Variants in SPARCL1 observed in about 807,000 individuals in gnomAD.
SPARCL1 encodes the protein SPARC like 1, also known as SPARC-like protein 1.
A neutral mutation model predicts 67.1 loss-of-function variants in SPARCL1; 52 were observed. The observed-to-expected ratio is 0.78, with a 90% CI of 0.62 to 0.98. The LOEUF (loss-of-function observed/expected upper bound fraction) is 0.98, where lower values mean the gene tolerates loss of function less well. Among genes scored for constraint, SPARCL1 ranks in the 50% least tolerant of loss-of-function variants. SPARCL1 has a pLI of 0.00. For missense variants in SPARCL1, 717 were observed against 782.4 expected (o/e 0.92, Z 1.00); for synonymous variants, 226 against 267.8 (o/e 0.84, Z 1.52).
In SPARCL1 at chr4:87,521,973, G is replaced by A. The variant is rs534762426; in HGVS notation, c.-12+7072C>T. Reference sequence around the variant, plus strand: ...GGTACTTTATAAACAGACTCAGAACGTTCCTGTTCACCTTGTTTTTACATA... The same window carrying A: ...GGTACTTTATAAACAGACTCAGAACATTCCTGTTCACCTTGTTTTTACATA... On this transcript the variant is annotated intron_variant, in intron 1 of 10. Transcript: ENST00000282470. Among the ~76,000 whole-genome samples, 6 of 152,288 alleles carry A rather than the reference G, an allele frequency of 3.9e-5. No homozygotes were observed. The East Asian group carries it at 1.2e-3, about 29-fold the overall frequency.
rs1308216519 is a variant in SPARCL1 at position 87,529,281 on chromosome 4, C to T, written c.-248G>A. ...ACAGACGAGAATTTGGAGGTTGGCA[C>T]CAGAGAGTATTTCAGACTGTCATCG... On this transcript the variant is annotated 5_prime_UTR_variant, in exon 1 of 11. It adds an upstream start codon to the 5' untranslated region. Transcript: ENST00000282470. 2 of 152,174 alleles carry T rather than the reference C, an allele frequency of 1.3e-5. No individual in the cohort carries two copies. Among genetic ancestry groups the T allele is most frequent in the African/African-American group, 2.4e-5 (1 of 41,436 alleles). 9.4% of individuals were successfully genotyped at this position (152,174 alleles called of 1,614,324 possible).
At chr4:87,497,255 A>C in intron 2 of SPARCL1, 2 of 982,344 alleles carry the variant, frequency 2.0e-6, no homozygotes, top group Middle Eastern at 5.2e-4. Context: ...ATGGGTAATG[A>C]ATTTGAAAAA....
intron 7 of SPARCL1, among the ~76,000 whole-genome samples, chr4:87,484,994 A>C (rs563272092): frequency 1.2e-3 from 188 of 152,102 alleles, no homozygotes; most frequent in Non-Finnish European, 2.1e-3. Flanking sequence ...CTAAATATGC[A>C]ATCATGTCAT....
At position 87,494,061 on chromosome 4, in the gene SPARCL1, ACT is replaced by A; in HGVS notation, c.737_738del (p.Glu246ValfsTer2). 6.2e-7 allele frequency: 1 copy of A among 1,613,636 alleles called. No homozygotes were observed. Among genetic ancestry groups the A allele is most frequent in the South Asian group, 1.1e-5 (1 of 91,022 alleles). On this transcript the variant is annotated frameshift_variant, in exon 4 of 11. Transcript: ENST00000282470. LOFTEE classifies it high-confidence loss of function. ...DNTQSDDILE[E>X]SDQPTQVSKM... ...TTGCTTACTTGAGTTGGTTGATCAGACTCTTCCAAAATATCATCAGATTGGGT... is the reference window on the plus strand; with the variant it reads ...TTGCTTACTTGAGTTGGTTGATCAGACTTCCAAAATATCATCAGATTGGGT...
chr4:87,527,224 C>T (rs1032727770), intron 1 of SPARCL1, among the ~76,000 whole-genome samples: 4 of 152,170 alleles, frequency 2.6e-5, no homozygotes, highest in Admixed American at 1.3e-4. Context: ...GCAGAAGATG[C>T]CCTGTGAGCC....
intron 7 of SPARCL1, among the ~76,000 whole-genome samples, chr4:87,489,222 G>A (rs1368741099): frequency 6.6e-6 from 1 of 152,222 alleles, no homozygotes; most frequent in Middle Eastern, 3.2e-3. Context: ...TGGTGGTGTA[G>A]GCACCCGAAG....
intron 1 of SPARCL1, among the ~76,000 whole-genome samples, chr4:87,510,421 A>G (rs939857901): frequency 1.3e-5 from 2 of 152,072 alleles, no homozygotes; most frequent in Non-Finnish European, 2.9e-5. Context: ...CTTTTTACCA[A>G]TTGAATATTG....
intron 7 of SPARCL1, among the ~76,000 whole-genome samples, chr4:87,483,023 A>G (rs1327169827): frequency 6.6e-6 from 1 of 151,998 alleles, no homozygotes; most frequent in East Asian, 1.9e-4. Flanking sequence ...TACAAGTCCA[A>G]TACAAGTTGG....
chr4:87,505,724 G>GT lies in SPARCL1; in HGVS notation c.-11-6140dup, dbSNP rs1553970443. Among the ~76,000 whole-genome samples the GT allele has an allele frequency of 4.2e-3, 586 of 141,090 alleles. 2 individuals are homozygous for GT. Among genetic ancestry groups the GT allele is most frequent in the Non-Finnish European group, 5.8e-3 (376 of 64,816 alleles). The allele number at this position is 141,090 out of a possible 152,430, so 92.6% of individuals were successfully genotyped here. ...TGCAAACTATTATGCTCAGCTAATT[G>GT]TTTTTTTTTTTTTTTGTAGAGATGG... On this transcript the variant is annotated intron_variant, in intron 1 of 10. Transcript: ENST00000282470.
At position 87,478,405 on chromosome 4, in the gene SPARCL1, G is replaced by C. The variant is rs78289907; in HGVS notation, c.1966+1025C>G. On this transcript the variant is annotated intron_variant, in intron 10 of 10. Coordinates refer to ENST00000282470, the MANE Select transcript of SPARCL1 (RefSeq NM_004684.6). ...TGTGTGTGTGTGGTGAGAATTGCGA[G>C]TAGATTTGAATGCTCATTGTTTGAA... Among the ~76,000 whole-genome samples the C allele has an allele frequency of 1.5e-4, 22 of 151,550 alleles. No homozygotes were observed. In the East Asian group the frequency reaches 4.3e-3, roughly 29 times the overall value.
At chr4:87,525,399 G>A (rs1382480362) in intron 1 of SPARCL1, among the ~76,000 whole-genome samples, 1 of 152,146 alleles carries the variant, frequency 6.6e-6, no homozygotes, top group Admixed American at 6.5e-5. Context: ...ACAACTAGAA[G>A]GTATGAGTGC....
rs761332778 is a variant in SPARCL1 at position 87,494,331 on chromosome 4, T to C, written c.469A>G (p.Ile157Val). The change falls in exon 4 of 11, where the codon ATC becomes GTC. Residue 157 changes from isoleucine to valine, a missense_variant. Physicochemically the swap from Ile to Val is conservative, Grantham distance 29. Coordinates refer to ENST00000282470, the MANE Select transcript of SPARCL1 (RefSeq NM_004684.6). Reference sequence around the variant, plus strand: ...TCTTGGTTTTCCTCTCTCTTTGTGATACTTTCTTGTTGGTTAGAATCTGTG... The same window carrying C: ...TCTTGGTTTTCCTCTCTCTTTGTGACACTTTCTTGTTGGTTAGAATCTGTG... ...SFTDSNQQES[I>V]TKREENQEQP... is the part of the protein sequence containing the mutation. The C allele has an allele frequency of 2.5e-6, 4 of 1,614,088 alleles. No homozygotes were observed. The African/African-American group carries it at 5.3e-5, about 22-fold the overall frequency.
At chr4:87,506,819 A>G (rs1466544133) in intron 1 of SPARCL1, among the ~76,000 whole-genome samples, 1 of 146,478 alleles carries the variant, frequency 6.8e-6, no homozygotes, top group Admixed American at 6.7e-5. Flanking sequence ...CTATCTATCT[A>G]TCTATCTACC....
rs1173207619 is a variant in SPARCL1, at chr4:87,522,636, AC to A, written c.-12+6408del. 4.2e-5 allele frequency among the ~76,000 whole-genome samples: 5 copies of A among 118,930 alleles called. No homozygotes were observed. In the East Asian group the frequency reaches 1.2e-3, roughly 29 times the overall value. 78.0% of individuals were successfully genotyped at this position (118,930 alleles called of 152,430 possible). ...GCACCCGCTCCTCCCAGCCACCACCACCAAACACACACACACACACACACAC... is the reference window on the plus strand; with the variant it reads ...GCACCCGCTCCTCCCAGCCACCACCACAAACACACACACACACACACACAC... On this transcript the variant is annotated intron_variant, in intron 1 of 10. Coordinates refer to ENST00000282470, the MANE Select transcript of SPARCL1 (RefSeq NM_004684.6).
rs1012105434 is a variant in SPARCL1, at chr4:87,493,589, T to A, written c.1211A>T (p.His404Leu). 5 of 1,603,326 alleles carry A rather than the reference T, an allele frequency of 3.1e-6. No individual in the cohort carries two copies. The African/African-American group carries it at 6.7e-5, about 22-fold the overall frequency. Residue 404 changes from histidine (H) to leucine (L), a missense_variant, in exon 4 of 11, where the codon CAC (histidine) becomes CTC (leucine). By Grantham distance (99) the His-to-Leu change is moderately conservative. Transcript: ENST00000282470. ...CATTTAAAATAATTTTACCTCTTGG[T>A]GCTCTCCAGGCTCAGTGGTACCTAT... ...ENIGTTEPGE[H>L]QEAKKAENSS...
intron 7 of SPARCL1, among the ~76,000 whole-genome samples, chr4:87,487,458 T>C (rs1724122456): frequency 6.6e-6 from 1 of 152,168 alleles, no homozygotes; most frequent in African/African-American, 2.4e-5. Context: ...CTGCAGAGAG[T>C]CCCACTGTTA....
intron 1 of SPARCL1, among the ~76,000 whole-genome samples, chr4:87,509,330 G>A (rs1011013216): frequency 6.6e-6 from 1 of 152,014 alleles, no homozygotes; most frequent in African/African-American, 2.4e-5. Flanking sequence ...AAGGAAACTC[G>A]GGCATAAAGA....
rs940693818 is a variant in SPARCL1 at position 87,490,690 on chromosome 4, A to G, written c.1410+70T>C. 3.7e-6 allele frequency: 4 copies of G among 1,093,296 alleles called. No individual in the cohort carries two copies. The African/African-American group carries it at 4.8e-5, about 13-fold the overall frequency. The allele number at this position is 1,093,296 out of a possible 1,614,324, so 67.7% of individuals were successfully genotyped here. On this transcript the variant is annotated intron_variant, in intron 6 of 10. Coordinates refer to ENST00000282470, the MANE Select transcript of SPARCL1 (RefSeq NM_004684.6). ...CTACCTTTTTTAAGCAAAAATTTCAATGGCAAATATTTTTATTTCAGTCAC... is the reference window on the plus strand; with the variant it reads ...CTACCTTTTTTAAGCAAAAATTTCAGTGGCAAATATTTTTATTTCAGTCAC...
chr4:87,482,016 T>G (rs745914386), intron 8 of SPARCL1, among the ~76,000 whole-genome samples: 2 of 152,228 alleles, frequency 1.3e-5, no homozygotes, highest in Non-Finnish European at 2.9e-5. Flanking sequence ...TTTTTAATCT[T>G]AATATATTAC....
Sources: gnomAD v4.1 joint callset for allele counts (sites outside exome capture counted in the v4.1 genomes callset) on GRCh38, gnomAD v4.1.1 for gene constraint, MANE v1.5 for transcripts, NCBI Gene and HGNC (gene_info 2026-07-23, HGNC 2026-07-21) for gene names.